MPP4: variants seen among roughly 807,000 people sequenced by gnomAD.
The protein encoded by MPP4 is MAGUK p55 scaffold protein 4.
MPP4 carries 91 observed loss-of-function variants against 98.3 expected under a neutral mutation model. The ratio of observed to expected loss-of-function variants is 0.93; its 90% CI spans 0.78 to 1.10. The LOEUF is 1.10. Among genes scored for constraint, MPP4 ranks in the 50% least tolerant of loss-of-function variants. MPP4 has a pLI of 0.00. For missense variants in MPP4, 744 were observed against 792.9 expected, an observed-to-expected ratio of 0.94 and a Z score of 0.74; for synonymous variants, 261 against 271.8, an observed-to-expected ratio of 0.96 and a Z score of 0.39.
intron 11 of MPP4, among the ~76,000 whole-genome samples, chr2:201,671,637 A>G (rs1452630505): frequency 1.3e-5 from 2 of 152,200 alleles, no homozygotes; most frequent in Non-Finnish European, 2.9e-5. Flanking sequence ...ACTAACAAAG[A>G]TCAAAAAAGA....
In MPP4 at chr2:201,644,960, A is replaced by G. The variant is rs2105906812; in HGVS notation, c.*250T>C. On this transcript the variant is annotated 3_prime_UTR_variant, in exon 22 of 22. Transcript: ENST00000409474. Reference sequence around the variant, plus strand: ...TGTGAAATCTGCGAAAGGTTCTCATACTCAGTGACTTAACATTATTCATAT... The same window carrying G: ...TGTGAAATCTGCGAAAGGTTCTCATGCTCAGTGACTTAACATTATTCATAT... The G allele has an allele frequency of 3.2e-6, 1 of 311,188 alleles. No individual in the cohort carries two copies. The highest frequency in any genetic ancestry group is 2.1e-5 in the African/African-American group (1 of 46,882). 19.3% of individuals were successfully genotyped at this position (311,188 alleles called of 1,614,324 possible). A position where few individuals can be genotyped will look rare whatever the true frequency, so the allele number is the denominator to read the frequency against.
chr2:201,650,113 A>G lies in MPP4; in HGVS notation c.1434T>C (p.Tyr478=). 2 of 1,581,608 alleles carry G rather than the reference A, an allele frequency of 1.3e-6. No individual in the cohort carries two copies. Among genetic ancestry groups the G allele is most frequent in the Non-Finnish European group, 1.7e-6 (2 of 1,161,628 alleles). Residue 478 remains tyrosine, a synonymous_variant, in exon 19 of 22, where the codon TAT becomes TAC. Transcript: ENST00000409474. ...GGTTTTCAAATGTTTCCTTGGACAC[A>G]TAGTGATACTCACGCCCATTCATTT... is the stretch of plus-strand genomic sequence containing the variant. The part of the protein sequence containing the change: ...SYEMNGREYH[Y]VSKETFENLI...
chr2:201,667,283 C>T (rs1158754752), intron 12 of MPP4, among the ~76,000 whole-genome samples: 1 of 152,196 alleles, frequency 6.6e-6, no homozygotes, highest in Admixed American at 6.5e-5. Flanking sequence ...ACATCACAGC[C>T]TTTGCTTACA....
chr2:201,687,355 C>T lies in MPP4; in HGVS notation c.296G>A (p.Arg99His), dbSNP rs191664251. 1.5e-5 allele frequency: 24 copies of T among 1,579,116 alleles called. No individual in the cohort carries two copies. The highest frequency in any genetic ancestry group is 1.1e-4 in the African/African-American group (8 of 74,334). ...GATCTCAGGGGAAGTAGGGGTTTCA[C>T]GTAATAACTCCACTACCTGGTTCAT... ...VLSYEVVELLRETPTSPEIQE... is the reference protein window; with the variant it reads ...VLSYEVVELLHETPTSPEIQE... Residue 99 changes from arginine to histidine, a missense_variant, in exon 5 of 22, where the codon CGT (arginine) becomes CAT (histidine). Transcript: ENST00000409474.
At position 201,680,567 on chromosome 2, in the gene MPP4, C is replaced by T. The variant is rs1230882794; in HGVS notation, c.929+271G>A. On this transcript the variant is annotated intron_variant, in intron 10 of 21. Transcript: ENST00000409474. ...CAACATATGAATTTTGGAGAGGACA[C>T]AAACATTCAGGCCATAGCACTTTTT... is the stretch of plus-strand genomic sequence containing the variant. The T allele has an allele frequency of 3.2e-5, 12 of 369,828 alleles. No homozygotes were observed. The East Asian group carries it at 5.2e-4, about 16-fold the overall frequency. The allele number at this position is 369,828 out of a possible 1,614,324, so 22.9% of individuals were successfully genotyped here.
intron 1 of MPP4, 143 bp downstream of exon 1, chr2:201,698,444 T>A (rs1413370554): frequency 1.9e-6 from 1 of 527,012 alleles, no homozygotes; most frequent in Non-Finnish European, 3.1e-6. Flanking sequence ...AAATTCCCCA[T>A]ATCATTTGAG....
chr2:201,663,729 T>C (rs538232890), intron 14 of MPP4, among the ~76,000 whole-genome samples: 1 of 151,868 alleles, frequency 6.6e-6, no homozygotes, highest in South Asian at 2.1e-4. Context: ...AATAAATAAA[T>C]AAATTAGCCA....
rs1322063025 is a variant in MPP4, at chr2:201,690,224, T to C, written c.257A>G (p.His86Arg). The change falls in exon 4 of 22, where the codon CAT (histidine) becomes CGT (arginine). Residue 86 changes from histidine to arginine, a missense_variant. Physicochemically the swap from His to Arg is conservative, Grantham distance 29. Coordinates refer to ENST00000409474, the MANE Select transcript of MPP4 (RefSeq NM_033066.3). ...TACCTCATAGGATAACACCTGTGCA[T>C]GTGGTGTGGCAGGAACTAGTTTCTT... ...KEKKLVPATPHAQVLSYEVVE... is the reference protein window; with the variant it reads ...KEKKLVPATPRAQVLSYEVVE... 1.2e-6 allele frequency: 2 copies of C among 1,609,532 alleles called. No homozygotes were observed. The highest frequency in any genetic ancestry group is 2.2e-5 in the East Asian group (1 of 44,828).
At chr2:201,647,142 T>G (rs6717714) in intron 21 of MPP4, among the ~76,000 whole-genome samples, 13,438 of 152,242 alleles carry the variant, frequency 0.088, 1,505 homozygotes, top group East Asian at 0.36. Context: ...AATCACCTGT[T>G]CTAGGATGAG....
chr2:201,654,775 T>C, intron 18 of MPP4, 62 bp downstream of exon 18: 1 of 1,187,074 alleles, frequency 8.4e-7, no homozygotes, highest in South Asian at 1.4e-5. Flanking sequence ...CATAGTTAAA[T>C]GAGATCAGCA....
chr2:201,664,996 T>C (rs1379372480), intron 13 of MPP4: 1 of 166,408 alleles, frequency 6.0e-6, no homozygotes, highest in Non-Finnish European at 1.5e-5. Flanking sequence ...TCAAAGAGTA[T>C]GTGCATTTGG....
chr2:201,689,528 C>G (rs1021778296), intron 4 of MPP4, among the ~76,000 whole-genome samples: 9 of 151,898 alleles, frequency 5.9e-5, no homozygotes, highest in Non-Finnish European at 8.8e-5. Flanking sequence ...TTGCAACTAT[C>G]TATGTAAGAG....
intron 12 of MPP4, among the ~76,000 whole-genome samples, chr2:201,666,891 C>T (rs1272797417): frequency 1.3e-5 from 2 of 152,002 alleles, no homozygotes; most frequent in Non-Finnish European, 2.9e-5. Context: ...AAAGGGCTCT[C>T]CTATATTAAA....
chr2:201,694,742 T>A lies in MPP4; in HGVS notation c.-100-688A>T, dbSNP rs546947562. 1.6e-3 allele frequency among the ~76,000 whole-genome samples: 242 copies of A among 147,088 alleles called. 3 individuals carry two copies. The highest frequency in any genetic ancestry group is 5.6e-3 in the African/African-American group (223 of 39,976). On this transcript the variant is annotated intron_variant, in intron 1 of 21. Coordinates refer to ENST00000409474, the MANE Select transcript of MPP4 (RefSeq NM_033066.3). ...TTCAAATCATCCTGCTACCTCAGCC[T>A]CTTGAGTATCTGGGACCATAGGCAT...
intron 11 of MPP4, 189 bp downstream of exon 11, chr2:201,675,018 C>A (rs1438763454): frequency 1.4e-6 from 1 of 720,722 alleles, no homozygotes; most frequent in Non-Finnish European, 2.5e-6. Flanking sequence ...TAGCCACCAC[C>A]CCCACGCCCT....
rs538522158 is a variant in MPP4 at position 201,678,313 on chromosome 2, G to A, written c.929+2525C>T. 2.6e-5 allele frequency among the ~76,000 whole-genome samples: 4 copies of A among 152,070 alleles called. No homozygotes were observed. In the South Asian group the frequency reaches 8.3e-4, roughly 32 times the overall value. On this transcript the variant is annotated intron_variant, in intron 10 of 21. Coordinates refer to ENST00000409474, the MANE Select transcript of MPP4 (RefSeq NM_033066.3). ...CATGTCCTTCAGCCCCCAAGCTCAG[G>A]TCACCCCTTATCCCCTGTGCTTTAA...
At chr2:201,673,107 T>C (rs1322790582) in intron 11 of MPP4, among the ~76,000 whole-genome samples, 2 of 152,110 alleles carry the variant, frequency 1.3e-5, no homozygotes, top group Non-Finnish European at 1.5e-5. Flanking sequence ...ACAGAACCAA[T>C]GACAAAAACC....
At chr2:201,649,858 A>G (rs1687668211) in intron 19 of MPP4, among the ~76,000 whole-genome samples, 174 bp from the exon 20 acceptor site, 1 of 152,228 alleles carries the variant, frequency 6.6e-6, no homozygotes, top group Admixed American at 6.5e-5. Flanking sequence ...GAGTTTATGT[A>G]TTTCCTCAAG....
At chr2:201,689,673 C>T (rs1002073208) in intron 4 of MPP4, among the ~76,000 whole-genome samples, 1 of 152,006 alleles carries the variant, frequency 6.6e-6, no homozygotes, top group Non-Finnish European at 1.5e-5. Context: ...TCGAAATGAC[C>T]CCTAAGATTC....
Sources: allele counts gnomAD v4.1 joint callset (sites outside exome capture counted in the v4.1 genomes callset), GRCh38; gene constraint gnomAD v4.1.1; transcripts MANE v1.5; gene names NCBI Gene and HGNC (gene_info 2026-07-23, HGNC 2026-07-21).